Variants in RIDA observed in about 807,000 individuals in gnomAD.
The protein encoded by RIDA is reactive intermediate imine deaminase A, also known as 2-iminobutanoate/2-iminopropanoate deaminase.
In RIDA, 17 loss-of-function variants were observed where a neutral mutation model predicts 17.8. That is an observed-to-expected ratio of 0.96 (90% CI 0.65 to 1.43). The LOEUF (loss-of-function observed/expected upper bound fraction) is 1.43, where lower values mean the gene tolerates loss of function less well. RIDA is among the 40% of genes most tolerant of loss of function. The pLI is 0.00. For missense variants in RIDA, 158 were observed against 161.7 expected (o/e 0.98, Z 0.12); for synonymous variants, 48 against 55.7 (o/e 0.86, Z 0.62).
intron 1 of RIDA, among the ~76,000 whole-genome samples, chr8:98,113,204 C>A (rs1316418793): frequency 2.0e-5 from 3 of 152,206 alleles, no homozygotes; most frequent in African/African-American, 4.8e-5. Flanking sequence ...ATGTTGAAAT[C>A]TTTCAAGGTT....
intron 1 of RIDA, among the ~76,000 whole-genome samples, chr8:98,116,318 A>G (rs1176776621): frequency 6.6e-6 from 1 of 152,140 alleles, no homozygotes; most frequent in Non-Finnish European, 1.5e-5. Flanking sequence ...CAAGTTTTCT[A>G]TAATAATTCC....
In RIDA at chr8:98,117,143, C is replaced by A. The variant is rs1385466810; in HGVS notation, c.-47G>T. 2 of 1,567,898 alleles carry A rather than the reference C, an allele frequency of 1.3e-6. No individual in the cohort carries two copies. Among genetic ancestry groups the A allele is most frequent in the Non-Finnish European group, 1.8e-6 (2 of 1,137,902 alleles). ...GCCCCTTCAGGAGAAGAAGCCCCAG[C>A]ACCAGCCCTGCTGGCTTCTTACTGG... On this transcript the variant is annotated 5_prime_UTR_variant, in exon 1 of 6. Coordinates refer to ENST00000254878, the MANE Select transcript of RIDA (RefSeq NM_005836.3).
intron 1 of RIDA, among the ~76,000 whole-genome samples, chr8:98,112,846 C>T (rs1815746847): frequency 6.6e-6 from 1 of 152,128 alleles, no homozygotes; most frequent in Non-Finnish European, 1.5e-5. Flanking sequence ...TCAGAAACTT[C>T]ATGATAGTAA....
chr8:98,109,176 A>T (rs527840859), intron 1 of RIDA, among the ~76,000 whole-genome samples: 1 of 152,268 alleles, frequency 6.6e-6, no homozygotes, highest in East Asian at 1.9e-4. Context: ...CCTCAGTGGC[A>T]CTGAGTAACA....
chr8:98,106,642 G>T, intron 2 of RIDA: 1 of 253,592 alleles, frequency 3.9e-6, no homozygotes, highest in Non-Finnish European at 7.6e-6. Context: ...ATCACGTCAA[G>T]GATAAGGATG....
chr8:98,105,949 A>C lies in RIDA; in HGVS notation c.284T>G (p.Ile95Ser). The change falls in exon 4 of 6, where the codon ATC (isoleucine) becomes AGC (serine). Residue 95 changes from isoleucine to serine, a missense_variant. By Grantham distance (142) the Ile-to-Ser change is moderately radical (BLOSUM62 -2). Coordinates refer to ENST00000254878, the MANE Select transcript of RIDA (RefSeq NM_005836.3). ...DINDFNTVNE[I>S]YKQYFKSNFP... ...GCCAAATTACTTACACTGTTTGTAG[A>C]TTTCATTGACAGTATTGAAGTCATT... is the stretch of plus-strand genomic sequence containing the variant. 1 of 1,602,632 alleles carries C rather than the reference A, an allele frequency of 6.2e-7. No individual in the cohort carries two copies. The highest frequency in any genetic ancestry group is 8.5e-7 in the Non-Finnish European group (1 of 1,169,890).
chr8:98,116,937 C>T, intron 1 of RIDA, 95 bp downstream of exon 1: 2 of 987,652 alleles, frequency 2.0e-6, no homozygotes, highest in Non-Finnish European at 3.1e-6. Context: ...AATTTCCTTG[C>T]GTGTTAGCTG....
Position 98,117,171 on chromosome 8 carries a change from T to C in RIDA, c.-75A>G. On this transcript the variant is annotated 5_prime_UTR_variant, in exon 1 of 6. Transcript: ENST00000254878. ...CAGCCCTGCTGGCTTCTTACTGGAC[T>C]GACCAACCACAGCAGCGCCTCTGCC... The C allele has an allele frequency of 7.2e-7, 1 of 1,390,478 alleles. No homozygotes were observed. The highest frequency in any genetic ancestry group is 1.0e-6 in the Non-Finnish European group (1 of 976,654). The allele number at this position is 1,390,478 out of a possible 1,614,324, so 86.1% of individuals were successfully genotyped here.
chr8:98,113,074 A>G (rs1332506577), intron 1 of RIDA, among the ~76,000 whole-genome samples: 1 of 152,220 alleles, frequency 6.6e-6, no homozygotes, highest in African/African-American at 2.4e-5. Context: ...TTAAAGGGTA[A>G]TCACACTTTC....
intron 1 of RIDA, among the ~76,000 whole-genome samples, chr8:98,111,602 T>G (rs1173108186): frequency 6.8e-6 from 1 of 147,884 alleles, no homozygotes; most frequent in Non-Finnish European, 1.5e-5. Flanking sequence ...CAAGACTCTG[T>G]GTCAAAAAAA....
At chr8:98,106,527 T>C in intron 2 of RIDA, 1 of 526,364 alleles carries the variant, frequency 1.9e-6, no homozygotes, top group South Asian at 2.6e-5. Context: ...TGTTGTCTCC[T>C]TTTGTGCGTA....
At chr8:98,108,389 A>C (rs930943300) in intron 2 of RIDA, among the ~76,000 whole-genome samples, 1 of 151,190 alleles carries the variant, frequency 6.6e-6, no homozygotes, top group African/African-American at 2.4e-5. Context: ...GCAACATGTC[A>C]TCTGACGTCA....
intron 4 of RIDA, among the ~76,000 whole-genome samples, chr8:98,105,216 A>T (rs1047736709): frequency 6.6e-6 from 1 of 151,850 alleles, no homozygotes; most frequent in African/African-American, 2.4e-5. Flanking sequence ...ATATTTATAA[A>T]CTATTTATCT....
At chr8:98,106,094 GTC>G (rs1205154636) in intron 3 of RIDA, 88 bp from the exon 4 acceptor site, 5 of 1,153,430 alleles carry the variant, frequency 4.3e-6, no homozygotes, top group Non-Finnish European at 5.2e-6. Flanking sequence ...ATCTGAGACT[GTC>G]TTGATTAAAA....
At chr8:98,114,495 T>TTC (rs1815773378) in intron 1 of RIDA, among the ~76,000 whole-genome samples, 1 of 151,398 alleles carries the variant, frequency 6.6e-6, no homozygotes, top group Non-Finnish European at 1.5e-5. Flanking sequence ...CAGCTAATTT[T>TTC]TTTTTTTTTT....
intron 2 of RIDA, among the ~76,000 whole-genome samples, chr8:98,106,938 A>C (rs1287776221): frequency 1.3e-5 from 2 of 152,206 alleles, no homozygotes; most frequent in Admixed American, 6.5e-5. Context: ...AAAAAAGCAT[A>C]TACCGTGTAA....
chr8:98,116,370 T>G (rs1332675360), intron 1 of RIDA, among the ~76,000 whole-genome samples: 1 of 152,188 alleles, frequency 6.6e-6, no homozygotes, highest in Non-Finnish European at 1.5e-5. Context: ...AGCAGTAGGT[T>G]TAAAGGAGGG....
At chr8:98,109,180 A>G (rs2447500) in intron 1 of RIDA, among the ~76,000 whole-genome samples, 99,214 of 151,944 alleles carry the variant, frequency 0.65, 33,632 homozygotes, top group South Asian at 0.78. Context: ...AGTGGCACTG[A>G]GTAACAGAGA....
chr8:98,111,604 T>TC (rs1554622814), intron 1 of RIDA, among the ~76,000 whole-genome samples: 1 of 140,552 alleles, frequency 7.1e-6, no homozygotes, highest in African/African-American at 2.7e-5. Context: ...AGACTCTGTG[T>TC]CAAAAAAAAA....
Sources: allele counts gnomAD v4.1 joint callset (sites outside exome capture counted in the v4.1 genomes callset), GRCh38; gene constraint gnomAD v4.1.1; transcripts MANE v1.5; gene names NCBI Gene and HGNC (gene_info 2026-07-23, HGNC 2026-07-21).